PTPRT: variants seen among roughly 807,000 people sequenced by gnomAD.
PTPRT encodes receptor-type tyrosine-protein phosphatase T.
In PTPRT, 56 loss-of-function variants were observed where a neutral mutation model predicts 176.8. The observed-to-expected ratio is 0.32, with a 90% CI of 0.26 to 0.40. The LOEUF (loss-of-function observed/expected upper bound fraction) is 0.40, where lower values mean the gene tolerates loss of function less well. Ranked by LOEUF, PTPRT falls within the 10% of genes least tolerant of loss-of-function variation. The probability of loss-of-function intolerance (pLI) is 1.00; values close to 1 mark genes in which losing one functional copy is unlikely to be tolerated. For missense variants in PTPRT, 1,540 were observed against 1,908.2 expected (o/e 0.81, Z 3.60); for synonymous variants, 783 against 739.0 (o/e 1.06, Z -0.96).
chr20:43,096,940 T>G (rs1218047397), intron 1 of PTPRT, among the ~76,000 whole-genome samples: 1 of 152,152 alleles, frequency 6.6e-6, no homozygotes, highest in Non-Finnish European at 1.5e-5. Context: ...ATTGCAAGGA[T>G]GAAGGCCCGA....
chr20:42,611,327 G>C (rs935680211), intron 7 of PTPRT, among the ~76,000 whole-genome samples: 4 of 152,260 alleles, frequency 2.6e-5, no homozygotes, highest in Non-Finnish European at 5.9e-5. Context: ...TCCAACACTT[G>C]TTATTATCTG....
At chr20:43,182,272 TC>T (rs1160750345) in intron 1 of PTPRT, among the ~76,000 whole-genome samples, 1 of 152,038 alleles carries the variant, frequency 6.6e-6, no homozygotes, top group Non-Finnish European at 1.5e-5. Context: ...GTTTCCAAGG[TC>T]CTGGGAAGCA....
chr20:42,133,789 A>T (rs748281655), intron 18 of PTPRT, among the ~76,000 whole-genome samples: 1 of 152,166 alleles, frequency 6.6e-6, no homozygotes, highest in Non-Finnish European at 1.5e-5. Context: ...GGTGGGAGGG[A>T]GTACATGGGA....
chr20:43,159,211 G>A (rs745944831), intron 1 of PTPRT, among the ~76,000 whole-genome samples: 2 of 152,166 alleles, frequency 1.3e-5, no homozygotes, highest in Non-Finnish European at 2.9e-5. Context: ...CCCACCTGAG[G>A]GGTGAGGGAG....
chr20:42,514,329 A>C (rs777328959), intron 7 of PTPRT, among the ~76,000 whole-genome samples: 6 of 152,250 alleles, frequency 3.9e-5, no homozygotes, highest in Non-Finnish European at 7.3e-5. Context: ...ATATGAAGTC[A>C]TATCACCTAG....
At chr20:42,182,873 T>C (rs1040576389) in intron 16 of PTPRT, among the ~76,000 whole-genome samples, 3 of 151,268 alleles carry the variant, frequency 2.0e-5, no homozygotes, top group Non-Finnish European at 4.4e-5. Flanking sequence ...GCCATACCCG[T>C]TGGGTTGTAG....
intron 11 of PTPRT, among the ~76,000 whole-genome samples, chr20:42,341,964 G>A (rs138439363): frequency 6.6e-6 from 1 of 152,316 alleles, no homozygotes; most frequent in East Asian, 1.9e-4. Context: ...GCCAATTCTT[G>A]GTAAGCTGAG....
the PTPRT span, among the ~76,000 whole-genome samples, chr20:42,048,645 C>T: frequency 1.3e-5 from 2 of 152,122 alleles, no homozygotes; most frequent in Non-Finnish European, 2.9e-5. Context: ...AGCAAGAATG[C>T]CTCTAGATGA....
At chr20:42,385,531 T>C (rs1373920062) in intron 9 of PTPRT, among the ~76,000 whole-genome samples, 1 of 152,230 alleles carries the variant, frequency 6.6e-6, no homozygotes, top group African/African-American at 2.4e-5. Context: ...AGATCTGATA[T>C]ACAAGGCTGT....
chr20:42,900,521 G>T (rs560259536), intron 1 of PTPRT, among the ~76,000 whole-genome samples: 1 of 152,204 alleles, frequency 6.6e-6, no homozygotes, highest in African/African-American at 2.4e-5. Flanking sequence ...TCTTGCTTCA[G>T]TTCACCATGT....
intron 11 of PTPRT, among the ~76,000 whole-genome samples, chr20:42,339,610 T>A (rs1357394573): frequency 6.6e-6 from 1 of 152,160 alleles, no homozygotes; most frequent in Non-Finnish European, 1.5e-5. Context: ...GCCACACCAG[T>A]AGTACTCAAG....
At chr20:42,099,764 C>T (rs2146222204) in intron 26 of PTPRT, among the ~76,000 whole-genome samples, 1 of 152,142 alleles carries the variant, frequency 6.6e-6, no homozygotes, top group African/African-American at 2.4e-5. Flanking sequence ...GGCAAAGACC[C>T]TGGAAAAAGC....
chr20:42,190,880 T>A (rs1005340815), intron 16 of PTPRT, among the ~76,000 whole-genome samples: 8 of 152,176 alleles, frequency 5.3e-5, no homozygotes, highest in African/African-American at 1.7e-4. Context: ...GACCTAGGTT[T>A]GAGTTCCAGC....
intron 7 of PTPRT, among the ~76,000 whole-genome samples, chr20:42,602,457 C>T (rs534577088): frequency 1.7e-4 from 26 of 152,172 alleles, no homozygotes; most frequent in Admixed American, 4.6e-4. Flanking sequence ...TACTTTCTGC[C>T]GGACACTGGT....
At chr20:42,112,047 C>T (rs1270699958) in intron 22 of PTPRT, among the ~76,000 whole-genome samples, 1 of 152,142 alleles carries the variant, frequency 6.6e-6, no homozygotes, top group African/African-American at 2.4e-5. Context: ...TCCCAGAAGG[C>T]CTTGAATCTA....
At chr20:42,553,277 C>T (rs1279765635) in intron 7 of PTPRT, among the ~76,000 whole-genome samples, 1 of 152,156 alleles carries the variant, frequency 6.6e-6, no homozygotes, top group East Asian at 1.9e-4. Flanking sequence ...GCCAAACACA[C>T]ACCAGTCTTT....
chr20:42,858,364 T>C (rs1222735575), intron 2 of PTPRT, among the ~76,000 whole-genome samples: 1 of 152,196 alleles, frequency 6.6e-6, no homozygotes, highest in Non-Finnish European at 1.5e-5. Context: ...AGATTCTTGC[T>C]AAAACAACTT....
In PTPRT at chr20:42,648,820, G is replaced by GTTGTTTTTTTTTTTTTTTTT. The variant is rs1310734163; in HGVS notation, c.1153+29045_1153+29046insAAAAAAAAAAAAAAAAACAA. ...GGGGATTTTTTTTTTTGGTGTCGTT[G>GTTGTTTTTTTTTTTTTTTTT]TTTTTTTTTTTTTTTTTTGACAGAG... On this transcript the variant is annotated intron_variant, in intron 7 of 30. Transcript: ENST00000373187. Among the ~76,000 whole-genome samples, 58 of 111,836 alleles carry GTTGTTTTTTTTTTTTTTTTT rather than the reference G, an allele frequency of 5.2e-4. 1 individual carries two copies. The highest frequency in any genetic ancestry group is 2.1e-3 in the African/African-American group (56 of 26,880). 73.4% of individuals were successfully genotyped at this position (111,836 alleles called of 152,430 possible).
At position 42,104,013 on chromosome 20, in the gene PTPRT, A is replaced by C. The variant is rs1404034241; in HGVS notation, c.3540+556T>G. Among the ~76,000 whole-genome samples the C allele has an allele frequency of 2.0e-5, 3 of 152,334 alleles. No individual in the cohort carries two copies. In the East Asian group the frequency reaches 5.8e-4, roughly 29 times the overall value. ...CCACAAATGTGCACATAGCCACTGA[A>C]GTTGGTTGGGTTACTGTTACGGACT... On this transcript the variant is annotated intron_variant, in intron 25 of 30. Transcript: ENST00000373187.
Sources: gnomAD v4.1 joint callset for allele counts (sites outside exome capture counted in the v4.1 genomes callset) on GRCh38, gnomAD v4.1.1 for gene constraint, MANE v1.5 for transcripts, NCBI Gene and HGNC (gene_info 2026-07-23, HGNC 2026-07-21) for gene names.